Variants in DCAF6 observed in about 807,000 individuals in gnomAD.
DCAF6 encodes the protein DDB1 and CUL4 associated factor 6, also known as DDB1- and CUL4-associated factor 6.
DCAF6 carries 54 observed loss-of-function variants against 125.1 expected under a neutral mutation model. The ratio of observed to expected loss-of-function variants is 0.43; its 90% CI spans 0.35 to 0.54. The LOEUF is 0.54. Ranked by LOEUF, DCAF6 falls within the 20% of genes least tolerant of loss-of-function variation. The probability of loss-of-function intolerance (pLI) is 0.01; values close to 1 mark genes in which losing one functional copy is unlikely to be tolerated. For synonymous variants in DCAF6, 371 were observed against 390.4 expected (o/e 0.95, Z 0.58); for missense variants, 934 against 1,161.7 (o/e 0.80, Z 2.85).
the DCAF6 span, among the ~76,000 whole-genome samples, chr1:167,908,389 T>C: frequency 6.6e-6 from 1 of 152,118 alleles, no homozygotes; most frequent in African/African-American, 2.4e-5. Flanking sequence ...TGGTGATGCC[T>C]GAGGCTGGGG....
intron 7 of DCAF6, among the ~76,000 whole-genome samples, chr1:167,995,636 G>A (rs1455509618): frequency 2.0e-5 from 3 of 149,352 alleles, no homozygotes; most frequent in Admixed American, 6.7e-5. Context: ...CCGAGATCAC[G>A]CCATTGCACT....
intron 2 of DCAF6, among the ~76,000 whole-genome samples, chr1:167,959,255 T>C (rs909614469): frequency 2.6e-5 from 4 of 152,270 alleles, no homozygotes; most frequent in Admixed American, 2.6e-4. Flanking sequence ...TCTGTAGATG[T>C]ACCACAGTTT....
the DCAF6 span, chr1:167,896,548 C>T: frequency 6.9e-7 from 1 of 1,448,944 alleles, no homozygotes; most frequent in South Asian, 1.1e-5. Flanking sequence ...TAAGACCCTA[C>T]TGACCACTGG....
intron 18 of DCAF6, 61 bp from the exon 19 acceptor site, chr1:168,065,529 C>A: frequency 8.6e-7 from 1 of 1,168,398 alleles, no homozygotes; most frequent in Non-Finnish European, 1.2e-6. Flanking sequence ...GTAAGAGTAG[C>A]ATAAATCTTT....
chr1:168,026,485 A>C lies in DCAF6; in HGVS notation c.1609+3438A>C, dbSNP rs79169041. On this transcript the variant is annotated intron_variant, in intron 12 of 21. Coordinates refer to ENST00000367840, the MANE Select transcript of DCAF6 (RefSeq NM_001198956.2). ...AGAGGCCATTGCTATAGTCCACCTA[A>C]GAGATTATGAGGGATCCAACCTAAG... is the stretch of plus-strand genomic sequence containing the variant. Among the ~76,000 whole-genome samples the C allele has an allele frequency of 4.6e-5, 7 of 152,280 alleles. No individual in the cohort carries two copies. In the East Asian group the frequency reaches 1.4e-3, roughly 29 times the overall value.
the DCAF6 span, among the ~76,000 whole-genome samples, chr1:167,877,599 A>G: frequency 2.6e-5 from 4 of 152,194 alleles, no homozygotes; most frequent in Non-Finnish European, 5.9e-5. Context: ...AGTATCTTCA[A>G]AGAGTTCACA....
the DCAF6 span, among the ~76,000 whole-genome samples, chr1:167,894,413 T>C: frequency 6.6e-6 from 1 of 152,132 alleles, no homozygotes; most frequent in African/African-American, 2.4e-5. Flanking sequence ...TTTGCTGCCC[T>C]GGTTGCCTCC....
At chr1:168,020,897 A>G (rs1328338539) in intron 11 of DCAF6, among the ~76,000 whole-genome samples, 2 of 152,124 alleles carry the variant, frequency 1.3e-5, no homozygotes, top group East Asian at 1.9e-4. Context: ...TACAAATAGA[A>G]TGAAAGCAGT....
intron 3 of DCAF6, among the ~76,000 whole-genome samples, chr1:167,969,882 T>G (rs1677029963): frequency 6.6e-6 from 1 of 152,192 alleles, no homozygotes; most frequent in Non-Finnish European, 1.5e-5. Context: ...ATTCAAGAGT[T>G]TCTCCTGCCT....
chr1:167,909,488 G>A, the DCAF6 span, among the ~76,000 whole-genome samples: 1 of 152,180 alleles, frequency 6.6e-6, no homozygotes, highest in Admixed American at 6.5e-5. Context: ...ATGCGGTCCA[G>A]GATGGCTTTG....
chr1:167,889,204 G>A, the DCAF6 span, among the ~76,000 whole-genome samples: 15 of 152,098 alleles, frequency 9.9e-5, no homozygotes, highest in African/African-American at 3.6e-4. Context: ...GATACTAGTG[G>A]TCGGTCTATT....
intron 7 of DCAF6, among the ~76,000 whole-genome samples, chr1:167,999,457 C>CTG (rs1240769069): frequency 1.3e-5 from 2 of 152,276 alleles, no homozygotes; most frequent in Admixed American, 1.3e-4. Flanking sequence ...TCCTCTCTAG[C>CTG]TGTGAAAGTC....
intron 12 of DCAF6, among the ~76,000 whole-genome samples, chr1:168,029,321 C>T: frequency 6.6e-6 from 1 of 152,148 alleles, no homozygotes. Flanking sequence ...AATGAAGAAA[C>T]TGAGACTCCA....
At chr1:168,070,203 G>T (rs1692850436) in intron 21 of DCAF6, among the ~76,000 whole-genome samples, 1 of 151,728 alleles carries the variant, frequency 6.6e-6, no homozygotes, top group South Asian at 2.1e-4. Context: ...TTTCTAGTTG[G>T]TTTAGTCAGC....
intron 2 of DCAF6, among the ~76,000 whole-genome samples, chr1:167,964,658 A>G (rs1676123104): frequency 1.3e-5 from 2 of 152,156 alleles, no homozygotes; most frequent in Non-Finnish European, 2.9e-5. Flanking sequence ...CTCCTCTGGT[A>G]TTCACATTAT....
chr1:167,878,801 C>T, the DCAF6 span, among the ~76,000 whole-genome samples: 1 of 152,222 alleles, frequency 6.6e-6, no homozygotes, highest in Non-Finnish European at 1.5e-5. Flanking sequence ...AATGGCTATT[C>T]ACAAAATGTG....
intron 17 of DCAF6, 66 bp from the exon 18 acceptor site, chr1:168,063,555 A>G: frequency 7.7e-7 from 1 of 1,294,236 alleles, no homozygotes; most frequent in Non-Finnish European, 1.0e-6. Flanking sequence ...TATTTTCATA[A>G]GTTTCTCATT....
chr1:168,037,123 A>C (rs1434131085), intron 12 of DCAF6, among the ~76,000 whole-genome samples: 1 of 110,020 alleles, frequency 9.1e-6, no homozygotes, highest in African/African-American at 3.4e-5. Context: ...TTTTTTTTTG[A>C]GATGAGGTCT....
the DCAF6 span, among the ~76,000 whole-genome samples, chr1:167,925,476 CATAT>C: frequency 1.9e-3 from 131 of 69,812 alleles, 2 homozygotes; most frequent in African/African-American, 6.2e-3. Flanking sequence ...TATATATATA[CATAT>C]ACATATACAC....
Sources: allele counts gnomAD v4.1 joint callset (sites outside exome capture counted in the v4.1 genomes callset), GRCh38; gene constraint gnomAD v4.1.1; transcripts MANE v1.5; gene names NCBI Gene and HGNC (gene_info 2026-07-23, HGNC 2026-07-21).